The following RLN2 variants were observed in gnomAD, a reference collection of about 807,000 sequenced individuals.
RLN2 encodes prorelaxin H2.
RLN2 carries 10 observed loss-of-function variants against 7.3 expected under a neutral mutation model. That is an observed-to-expected ratio of 1.36 (90% CI 0.84 to 2.31). The LOEUF (loss-of-function observed/expected upper bound fraction) is 2.31, where lower values mean the gene tolerates loss of function less well. RLN2 is among the 30% of genes most tolerant of loss of function. RLN2 has a pLI of 0.00. For missense variants in RLN2, 298 were observed against 217.6 expected (o/e 1.37, Z -2.32); for synonymous variants, 103 against 82.3 (o/e 1.25, Z -1.36).
the RLN2 span, among the ~76,000 whole-genome samples, chr9:5,336,395 C>G: frequency 1.3e-5 from 2 of 151,980 alleles, no homozygotes; most frequent in South Asian, 4.2e-4. Flanking sequence ...CTAGGAAGGG[C>G]CTGTTCTTAC....
At chr9:5,312,013 T>G in the RLN2 span, among the ~76,000 whole-genome samples, 2 of 151,528 alleles carry the variant, frequency 1.3e-5, no homozygotes, top group African/African-American at 4.9e-5. Flanking sequence ...TTATTTTACT[T>G]TTTTTTTAAG....
At chr9:5,312,616 T>C in the RLN2 span, among the ~76,000 whole-genome samples, 1 of 151,976 alleles carries the variant, frequency 6.6e-6, no homozygotes, top group South Asian at 2.1e-4. Context: ...GAAGGGAGTA[T>C]AAAAGTTGTT....
At chr9:5,326,164 A>T in the RLN2 span, among the ~76,000 whole-genome samples, 1 of 152,136 alleles carries the variant, frequency 6.6e-6, no homozygotes, top group Admixed American at 6.5e-5. Flanking sequence ...AGTGTTCCTT[A>T]TAAATGCAGG....
At position 5,304,544 on chromosome 9, in the gene RLN2, A is replaced by G. The variant is rs761574405; in HGVS notation, c.37T>C (p.Cys13Arg). ...RLFFFHLLGV[C>R]LLLNQFSRAV... is the part of the protein sequence containing the mutation. ...CTGGAAAATTGGTTCAGTAGTAAACAGACTCCTAGCAGGTGGAAAAAAAAC... is the reference window on the plus strand; with the variant it reads ...CTGGAAAATTGGTTCAGTAGTAAACGGACTCCTAGCAGGTGGAAAAAAAAC... Residue 13 changes from cysteine to arginine, a missense_variant, in exon 1 of 2, where the codon TGT (cysteine) becomes CGT (arginine). Coordinates refer to ENST00000381627, the MANE Select transcript of RLN2 (RefSeq NM_134441.3). The G allele has an allele frequency of 1.2e-6, 2 of 1,613,860 alleles. No individual in the cohort carries two copies. Among genetic ancestry groups the G allele is most frequent in the South Asian group, 1.1e-5 (1 of 91,048 alleles).
chr9:5,330,650 A>G, the RLN2 span, among the ~76,000 whole-genome samples: 1 of 149,946 alleles, frequency 6.7e-6, no homozygotes, highest in Non-Finnish European at 1.5e-5. Flanking sequence ...AAAAAAAAAA[A>G]AAAAAGAAAA....
At chr9:5,320,589 T>C in the RLN2 span, among the ~76,000 whole-genome samples, 1 of 151,782 alleles carries the variant, frequency 6.6e-6, no homozygotes, top group Non-Finnish European at 1.5e-5. Context: ...CAGGCTGCTC[T>C]CAAACTTCTG....
chr9:5,300,465 G>A lies in RLN2; in HGVS notation c.212-21C>T, dbSNP rs41313460. On this transcript the variant is annotated intron_variant, in intron 1 of 1. Coordinates refer to ENST00000381627, the MANE Select transcript of RLN2 (RefSeq NM_134441.3). ...AATTTCTGTTAAATTTAAAAAAAAA[G>A]GTGTATGTGAGGGTATATTCATGTC... 2.2e-3 allele frequency: 3,344 copies of A among 1,525,634 alleles called. 12 individuals are homozygous for A. The highest frequency in any genetic ancestry group is 2.8e-3 in the Non-Finnish European group (3,093 of 1,115,386). The allele number at this position is 1,525,634 out of a possible 1,614,324, so 94.5% of individuals were successfully genotyped here. A position where few individuals can be genotyped will look rare whatever the true frequency, so the allele number is the denominator to read the frequency against.
At chr9:5,304,139 C>G in intron 1 of RLN2, 2 of 409,870 alleles carry the variant, frequency 4.9e-6, no homozygotes, top group Non-Finnish European at 8.2e-6. Context: ...GCTTCCTGTT[C>G]TCAGTGCTTT....
At chr9:5,307,873 T>C (rs936108657), upstream of RLN2, among the ~76,000 whole-genome samples, 4 of 152,070 alleles carry the variant, frequency 2.6e-5, no homozygotes, top group African/African-American at 7.3e-5. Context: ...GAGAAACTTA[T>C]TTTTAAAATA....
the RLN2 span, among the ~76,000 whole-genome samples, chr9:5,311,262 G>C: frequency 4.6e-5 from 7 of 152,098 alleles, no homozygotes; most frequent in South Asian, 1.5e-3. Context: ...TGTACAAGAT[G>C]AGAGTGGGGG....
the RLN2 span, among the ~76,000 whole-genome samples, chr9:5,312,451 C>T: frequency 6.6e-6 from 1 of 152,036 alleles, no homozygotes; most frequent in Non-Finnish European, 1.5e-5. Context: ...TTTCTTTTCA[C>T]TTCCAGAAAG....
intron 1 of RLN2, among the ~76,000 whole-genome samples, chr9:5,301,421 T>C (rs1471673186): frequency 6.6e-6 from 1 of 152,234 alleles, no homozygotes; most frequent in Admixed American, 6.5e-5. Context: ...TATTTAAATG[T>C]TTCTTGCTCT....
the RLN2 span, chr9:5,311,675 G>C: frequency 6.8e-6 from 9 of 1,320,384 alleles, no homozygotes; most frequent in Middle Eastern, 2.4e-4. Context: ...CGCCAAAACA[G>C]ACCAGGCACA....
the RLN2 span, among the ~76,000 whole-genome samples, chr9:5,319,155 G>A: frequency 1.3e-5 from 2 of 151,900 alleles, no homozygotes; most frequent in South Asian, 2.1e-4. Context: ...CTATAAACAC[G>A]TTCACTGCAA....
chr9:5,322,510 G>A, the RLN2 span, among the ~76,000 whole-genome samples: 6 of 152,076 alleles, frequency 3.9e-5, no homozygotes, highest in Non-Finnish European at 7.4e-5. Flanking sequence ...AAACAGAGAA[G>A]CAAGCTGTGA....
At chr9:5,325,394 C>T in the RLN2 span, among the ~76,000 whole-genome samples, 197 of 152,124 alleles carry the variant, frequency 1.3e-3, 4 homozygotes, top group African/African-American at 4.4e-3. Context: ...AATTTGTTCA[C>T]ATTAAAACTT....
At chr9:5,314,449 T>C in the RLN2 span, among the ~76,000 whole-genome samples, 3 of 151,958 alleles carry the variant, frequency 2.0e-5, no homozygotes, top group Non-Finnish European at 4.4e-5. Flanking sequence ...AGGGCAGTCA[T>C]GCACCCCCAT....
At chr9:5,319,379 G>C in the RLN2 span, among the ~76,000 whole-genome samples, 2 of 151,850 alleles carry the variant, frequency 1.3e-5, no homozygotes, top group East Asian at 3.9e-4. Flanking sequence ...CTCAGGTGCA[G>C]GGAAATGAAG....
upstream of RLN2, among the ~76,000 whole-genome samples, chr9:5,306,841 C>T (rs994105287): frequency 1.9e-4 from 29 of 152,090 alleles, no homozygotes; most frequent in African/African-American, 5.1e-4. Flanking sequence ...CAGGAACATT[C>T]GAGGCTGTAA....
Sources: gnomAD v4.1 joint callset for allele counts (sites outside exome capture counted in the v4.1 genomes callset) on GRCh38, gnomAD v4.1.1 for gene constraint, MANE v1.5 for transcripts, NCBI Gene and HGNC (gene_info 2026-07-23, HGNC 2026-07-21) for gene names.